The following POLR2F variants were observed in gnomAD, a reference collection of about 807,000 sequenced individuals.
The protein encoded by POLR2F is RNA polymerase II, I and III subunit F.
A neutral mutation model predicts 22.7 loss-of-function variants in POLR2F; 12 were observed. The ratio of observed to expected loss-of-function variants is 0.53; its 90% CI spans 0.34 to 0.86. The LOEUF (loss-of-function observed/expected upper bound fraction) is 0.86, where lower values mean the gene tolerates loss of function less well. Among genes scored for constraint, POLR2F ranks in the 40% least tolerant of loss-of-function variants. The pLI, the probability that POLR2F is intolerant of heterozygous loss-of-function variation, is 0.02. For missense variants in POLR2F, 126 were observed against 171.5 expected (o/e 0.73, Z 1.48); for synonymous variants, 57 against 66.0 (o/e 0.86, Z 0.66).
intron 1 of POLR2F, among the ~76,000 whole-genome samples, chr22:37,993,239 G>A (rs1321604888): frequency 1.3e-5 from 2 of 152,182 alleles, no homozygotes; most frequent in Non-Finnish European, 2.9e-5. Context: ...GCAGCTTAGG[G>A]GAAGGGGCTT....
intron 1 of POLR2F, among the ~76,000 whole-genome samples, chr22:38,025,003 C>T (rs1219822091): frequency 6.6e-6 from 1 of 152,056 alleles, no homozygotes; most frequent in Non-Finnish European, 1.5e-5. Context: ...GTCAGGGAAG[C>T]CAGGTGGAGC....
intron 1 of POLR2F, among the ~76,000 whole-genome samples, chr22:38,009,460 T>C (rs1452592529): frequency 6.6e-6 from 1 of 152,234 alleles, no homozygotes; most frequent in Middle Eastern, 3.2e-3. Context: ...GTACACAGTT[T>C]CCTGGTTGGG....
chr22:38,014,700 G>A (rs2084901208), intron 1 of POLR2F, among the ~76,000 whole-genome samples: 1 of 151,598 alleles, frequency 6.6e-6, no homozygotes, highest in African/African-American at 2.4e-5. Flanking sequence ...GGCCAGGATG[G>A]TCTCAATCTC....
intron 3 of POLR2F, among the ~76,000 whole-genome samples, chr22:37,965,552 C>T (rs139878): frequency 0.69 from 104,272 of 152,158 alleles, 36,375 homozygotes; most frequent in African/African-American, 0.82. Flanking sequence ...AAAGCAGGCA[C>T]ATGCAGATCA....
Position 37,997,669 on chromosome 22 carries a change from T to G in POLR2F, c.120+11357T>G, listed in dbSNP as rs2084727866. Among the ~76,000 whole-genome samples, 1 of 152,064 alleles carries G rather than the reference T, an allele frequency of 6.6e-6. No individual in the cohort carries two copies. Among genetic ancestry groups the G allele is most frequent in the African/African-American group, 2.4e-5 (1 of 41,416 alleles). On this transcript the variant is annotated intron_variant, in intron 1 of 2. Transcript: ENST00000333418. The surrounding 1 kb of genome is among the most constrained non-coding windows in gnomAD (Gnocchi z 4.4). ...GCCTACCTTCCCCAGGACACCCGGC[T>G]CTGTCCCCTGCATGCCCTGGGTCAC...
At position 38,025,946 on chromosome 22, in the gene POLR2F, A is replaced by G. The variant is rs773214156; in HGVS notation, c.200A>G (p.Asn67Ser). 9.2e-6 allele frequency: 6 copies of G among 653,406 alleles called. No individual in the cohort carries two copies. In the East Asian group the frequency reaches 1.1e-4, roughly 12 times the overall value. The allele number at this position is 653,406 out of a possible 1,614,324, so 40.5% of individuals were successfully genotyped here. A position where few individuals can be genotyped will look rare whatever the true frequency, so the allele number is the denominator to read the frequency against. ...GCGCTCAACAGATGCTCTGAAATCA[A>G]TGACTCTGAATCTAGAAGTCAACCG... Residue 67 changes from asparagine (N) to serine (S), a missense_variant, in exon 2 of 3, where the codon AAT (asparagine) becomes AGT (serine). By Grantham distance (46) the Asn-to-Ser change is conservative (BLOSUM62 1). Coordinates refer to the POLR2F transcript ENST00000333418.
At chr22:37,971,697 C>T (rs1465025512), downstream of POLR2F, among the ~76,000 whole-genome samples, 2 of 152,074 alleles carry the variant, frequency 1.3e-5, no homozygotes. Flanking sequence ...TGCAGCAACA[C>T]AGGGCCTATC....
In POLR2F at chr22:37,974,824, C is replaced by T. The variant is rs767104686; in HGVS notation, c.293+7654C>T. 3.9e-5 allele frequency among the ~76,000 whole-genome samples: 6 copies of T among 152,194 alleles called. No homozygotes were observed. Among genetic ancestry groups the T allele is most frequent in the Admixed American group, 1.3e-4 (2 of 15,288 alleles). ...TCCAGGTGGTCTGGCCCAGCCTTTG[C>T]GCTCTGCCAGCCCCGCTTCCACACC... On this transcript the variant is annotated intron_variant, in intron 4 of 4. Coordinates refer to the POLR2F transcript ENST00000405557. This position sits in a 1 kb window ranked among gnomAD's most constrained non-coding sequence, Gnocchi z 5.4.
At chr22:37,990,882 T>C (rs1266859189) in intron 1 of POLR2F, among the ~76,000 whole-genome samples, 1 of 152,266 alleles carries the variant, frequency 6.6e-6, no homozygotes, top group African/African-American at 2.4e-5. Context: ...ATCCAGTGTT[T>C]GCAAGGTGAT....
chr22:37,985,877 A>C (rs1032389904), upstream of POLR2F, among the ~76,000 whole-genome samples: 2 of 151,988 alleles, frequency 1.3e-5, no homozygotes, highest in Non-Finnish European at 2.9e-5. Flanking sequence ...AACCAGCCAG[A>C]CAATCGGGCC....
chr22:37,956,141 G>C (rs1427166117), intron 1 of POLR2F, among the ~76,000 whole-genome samples: 1 of 151,864 alleles, frequency 6.6e-6, no homozygotes, highest in Non-Finnish European at 1.5e-5. Context: ...CCAGGCTGGA[G>C]TGCAATGGCG....
chr22:38,020,431 A>ATT (rs753386178), intron 1 of POLR2F, among the ~76,000 whole-genome samples: 2,459 of 128,418 alleles, frequency 0.019, 89 homozygotes, highest in African/African-American at 0.068. Flanking sequence ...CACCTGGCTA[A>ATT]TTTTTTTTTT....
At position 37,960,777 on chromosome 22, in the gene POLR2F, C is replaced by T. The variant is rs1190209371; in HGVS notation, c.221+1301C>T. Among the ~76,000 whole-genome samples the T allele has an allele frequency of 4.6e-5, 7 of 152,270 alleles. No individual in the cohort carries two copies. In the East Asian group the frequency reaches 7.7e-4, roughly 17 times the overall value. Reference sequence around the variant, plus strand: ...CTCAAACTCCTGACCTTGTGATCCACCCGCCTTGGCCTCCCAAAATGTTGG... The same window carrying T: ...CTCAAACTCCTGACCTTGTGATCCATCCGCCTTGGCCTCCCAAAATGTTGG... On this transcript the variant is annotated intron_variant, in intron 3 of 4. Coordinates refer to ENST00000442738, the MANE Select transcript of POLR2F (RefSeq NM_021974.5).
At chr22:38,039,174 C>T (rs903767489) in intron 5 of POLR2F, among the ~76,000 whole-genome samples, 9 of 152,230 alleles carry the variant, frequency 5.9e-5, no homozygotes, top group Non-Finnish European at 1.0e-4. Context: ...CAGAAAGAGC[C>T]GTCTCTGCAC....
chr22:38,038,537 C>T (rs979136381), intron 5 of POLR2F, among the ~76,000 whole-genome samples: 1 of 152,136 alleles, frequency 6.6e-6, no homozygotes, highest in Non-Finnish European at 1.5e-5. Context: ...GCCCTCGCTC[C>T]TCCCCACCTT....
At chr22:37,972,387 G>C (rs1424345443), downstream of POLR2F, 1 of 431,490 alleles carries the variant, frequency 2.3e-6, no homozygotes, top group Non-Finnish European at 4.5e-6. Flanking sequence ...TAGGAGAGGG[G>C]ACTACTGAGA....
intron 1 of POLR2F, among the ~76,000 whole-genome samples, chr22:38,006,562 G>A (rs138868702): frequency 6.6e-5 from 10 of 152,324 alleles, no homozygotes; most frequent in Non-Finnish European, 1.5e-4. Flanking sequence ...ATACCTGCTC[G>A]CACTAGTCCC....
At chr22:38,002,589 T>C (rs889847022) in intron 1 of POLR2F, among the ~76,000 whole-genome samples, 1 of 151,432 alleles carries the variant, frequency 6.6e-6, no homozygotes, top group Admixed American at 6.6e-5. Context: ...GCTGGGGCCA[T>C]GGGGCTGGGG....
In POLR2F at chr22:38,002,915, C is replaced by T. The variant is rs369853876; in HGVS notation, c.120+16603C>T. ...TAAGTTTTTATATTTTTAGTAGAGACGGGGTTTCACCGTGTTAGCCAGAAT... is the reference window on the plus strand; with the variant it reads ...TAAGTTTTTATATTTTTAGTAGAGATGGGGTTTCACCGTGTTAGCCAGAAT... On this transcript the variant is annotated intron_variant, in intron 1 of 2. Transcript: ENST00000333418. Among the ~76,000 whole-genome samples, 14 of 151,958 alleles carry T rather than the reference C, an allele frequency of 9.2e-5. No homozygotes were observed. The East Asian group carries it at 1.9e-3, about 21-fold the overall frequency.
Sources: allele counts gnomAD v4.1 joint callset (sites outside exome capture counted in the v4.1 genomes callset), GRCh38; gene constraint gnomAD v4.1.1; non-coding constraint Gnocchi (gnomAD v3.1); transcripts MANE v1.5; gene names NCBI Gene and HGNC (gene_info 2026-07-23, HGNC 2026-07-21).